Variants in MED12L observed in about 807,000 individuals in gnomAD.
The protein encoded by MED12L is mediator of RNA polymerase II transcription subunit 12-like protein.
In MED12L, 60 loss-of-function variants were observed where a neutral mutation model predicts 281.3. The ratio of observed to expected loss-of-function variants is 0.21; its 90% confidence interval spans 0.17 to 0.26. The LOEUF (loss-of-function observed/expected upper bound fraction) is 0.26, where lower values mean the gene tolerates loss of function less well. Among genes scored for constraint, MED12L ranks in the 10% least tolerant of loss-of-function variants. MED12L has a pLI of 1.00. For missense variants in MED12L, 2,146 were observed against 2,680.9 expected, an observed-to-expected ratio of 0.80 and a Z score of 4.41; for synonymous variants, 974 against 987.2, an observed-to-expected ratio of 0.99 and a Z score of 0.25.
At chr3:151,294,375 T>G in intron 16 of MED12L, 2 of 1,614,006 alleles carry the variant, frequency 1.2e-6, no homozygotes. Context: ...TAATATAGGA[T>G]TTTTTGTGCA....
intron 2 of MED12L, among the ~76,000 whole-genome samples, chr3:151,097,263 T>C (rs907788627): frequency 2.3e-4 from 35 of 152,316 alleles, no homozygotes; most frequent in African/African-American, 8.4e-4. Flanking sequence ...TCTATATAAA[T>C]GGATCTTTCT....
At chr3:151,097,361 T>C (rs1450388993) in intron 2 of MED12L, among the ~76,000 whole-genome samples, 8 of 152,202 alleles carry the variant, frequency 5.3e-5, no homozygotes, top group Admixed American at 3.9e-4. Context: ...AATCTTACTA[T>C]AACATATGCA....
chr3:151,368,032 T>C, intron 24 of MED12L, 118 bp from the exon 25 acceptor site: 1 of 930,972 alleles, frequency 1.1e-6, no homozygotes, highest in Admixed American at 2.8e-5. Context: ...CCTTATTTTC[T>C]TACCATAAGG....
intron 16 of MED12L, chr3:151,338,964 G>A: frequency 1.1e-6 from 1 of 951,472 alleles, no homozygotes; most frequent in Non-Finnish European, 1.7e-6. Context: ...AAAAGTTGAG[G>A]TTTCTCATCT....
intron 11 of MED12L, among the ~76,000 whole-genome samples, chr3:151,179,053 T>A (rs1447909666): frequency 6.6e-6 from 1 of 151,548 alleles, no homozygotes; most frequent in Non-Finnish European, 1.5e-5. Flanking sequence ...TAAAAATGAG[T>A]TTTTGGCTGG....
chr3:151,163,539 A>C (rs1720278563), intron 8 of MED12L, among the ~76,000 whole-genome samples: 1 of 151,786 alleles, frequency 6.6e-6, no homozygotes, highest in Non-Finnish European at 1.5e-5. Context: ...CTTAGAAATT[A>C]CATATTATAA....
chr3:151,323,677 C>T (rs1281151835), intron 16 of MED12L, among the ~76,000 whole-genome samples: 1 of 152,182 alleles, frequency 6.6e-6, no homozygotes, highest in African/African-American at 2.4e-5. Flanking sequence ...TTCCTTTGAA[C>T]TTCTGTGGTG....
Position 151,390,105 on chromosome 3 carries a change from T to G in MED12L, c.5578T>G (p.Phe1860Val), listed in dbSNP as rs750224787. The G allele has an allele frequency of 1.2e-6, 2 of 1,614,072 alleles. No individual in the cohort carries two copies. The highest frequency in any genetic ancestry group is 1.7e-6 in the Non-Finnish European group (2 of 1,179,930). ...CGTGGGCCAGCCCCAGCAGCCCGGC[T>G]TTTTCCTTCAGAACCAATCTCTTAC... ...NLVGQPQQPG[F>V]FLQNQSLTPG... The change falls in exon 38 of 45, where the codon TTT becomes GTT. Residue 1860 changes from phenylalanine to valine, a missense_variant. Physicochemically the swap from Phe to Val is conservative, Grantham distance 50. This residue lies in a region of MED12L where 496 missense variants were observed against 512.0 expected (regional missense o/e 0.97). Transcript: ENST00000687756.
chr3:151,105,092 C>T (rs1451197917), intron 2 of MED12L, among the ~76,000 whole-genome samples: 1 of 152,156 alleles, frequency 6.6e-6, no homozygotes, highest in Non-Finnish European at 1.5e-5. Flanking sequence ...CAGGGGCTGT[C>T]TCCAGATCCT....
chr3:151,149,816 A>G (rs888677187), intron 5 of MED12L, among the ~76,000 whole-genome samples: 6 of 152,208 alleles, frequency 3.9e-5, no homozygotes, highest in Admixed American at 2.6e-4. Flanking sequence ...CACCAGGAGT[A>G]GATTCCATCT....
chr3:151,376,529 A>G (rs539335745), intron 28 of MED12L, among the ~76,000 whole-genome samples: 1 of 152,332 alleles, frequency 6.6e-6, no homozygotes, highest in South Asian at 2.1e-4. Context: ...GATTGGTTAA[A>G]TAGATTTTGA....
chr3:151,389,950 G>A (rs373577158), intron 37 of MED12L, 29 bp from the exon 38 acceptor site: 195 of 1,610,956 alleles, frequency 1.2e-4, no homozygotes, highest in Non-Finnish European at 1.5e-4. Context: ...GTGGAGTTAC[G>A]TAACTTTTTA....
intron 25 of MED12L, among the ~76,000 whole-genome samples, chr3:151,368,484 A>G (rs905786315): frequency 6.6e-6 from 1 of 151,958 alleles, no homozygotes; most frequent in African/African-American, 2.4e-5. Context: ...CAATAAAAAT[A>G]CCTCTGCTCT....
intron 16 of MED12L, among the ~76,000 whole-genome samples, chr3:151,263,323 A>C (rs1463121178): frequency 1.3e-5 from 2 of 152,194 alleles, no homozygotes; most frequent in Non-Finnish European, 2.9e-5. Context: ...ACTTGTGAGC[A>C]TCTGTTTCAT....
At chr3:151,412,553 A>G (rs10935845) in intron 41 of MED12L, among the ~76,000 whole-genome samples, 76,626 of 152,024 alleles carry the variant, frequency 0.5, 19,385 homozygotes, top group Middle Eastern at 0.57. Flanking sequence ...TTGGAAAGTT[A>G]GCAAGGTTGA....
At chr3:151,329,595 A>G in intron 16 of MED12L, 1 of 1,152,552 alleles carries the variant, frequency 8.7e-7, no homozygotes, top group African/African-American at 1.6e-5. Flanking sequence ...TTCCTTCCTT[A>G]TTTTTACTTA....
intron 11 of MED12L, among the ~76,000 whole-genome samples, chr3:151,167,846 A>G (rs796879215): frequency 6.6e-6 from 1 of 152,224 alleles, no homozygotes; most frequent in African/African-American, 2.4e-5. Flanking sequence ...TAATACATAT[A>G]GGTGAGTTAT....
chr3:151,263,713 A>G (rs1739314851), intron 16 of MED12L, among the ~76,000 whole-genome samples: 1 of 152,148 alleles, frequency 6.6e-6, no homozygotes, highest in African/African-American at 2.4e-5. Flanking sequence ...AATGTAATAT[A>G]GAGATTAAGA....
intron 19 of MED12L, 54 bp from the exon 20 acceptor site, chr3:151,357,159 T>G (rs1754036062): frequency 1.4e-6 from 2 of 1,395,732 alleles, no homozygotes; most frequent in South Asian, 2.8e-5. Flanking sequence ...AATAAATGTT[T>G]TCTCTATTTG....
Sources: gnomAD v4.1 joint callset for allele counts (sites outside exome capture counted in the v4.1 genomes callset) on GRCh38, gnomAD v4.1.1 for gene constraint, gnomAD v4.1.1 regional missense constraint, MANE v1.5 for transcripts, NCBI Gene and HGNC (gene_info 2026-07-23, HGNC 2026-07-21) for gene names.